TPMT: variants seen among roughly 807,000 people sequenced by gnomAD.
The protein encoded by TPMT is thiopurine S-methyltransferase, also known as S-adenosyl-L-methionine:thiopurine S-methyltransferase.
Under a neutral mutation model 34.2 loss-of-function variants are expected in TPMT, and 18 were observed. That is an observed-to-expected ratio of 0.53 (90% CI 0.36 to 0.78). The LOEUF is 0.78. Ranked by LOEUF, TPMT falls within the 30% of genes least tolerant of loss-of-function variation. The pLI is 0.00. For synonymous variants in TPMT, 69 were observed against 92.4 expected (o/e 0.75, Z 1.45); for missense variants, 265 against 288.1 (o/e 0.92, Z 0.58).
rs73379181 is a variant in TPMT at position 18,153,142 on chromosome 6, T to C, written c.-45+1891A>G. ...GGCCACCTTCCTCAGCATAAATTCCTGTTCCCTTTGCCCCTCCCTGGAAGT... is the reference window on the plus strand; with the variant it reads ...GGCCACCTTCCTCAGCATAAATTCCCGTTCCCTTTGCCCCTCCCTGGAAGT... On this transcript the variant is annotated intron_variant, in intron 1 of 8. Transcript: ENST00000309983. This position sits in a 1 kb window ranked among gnomAD's most constrained non-coding sequence, Gnocchi z 4.2. 0.01 allele frequency among the ~76,000 whole-genome samples: 1,559 copies of C among 152,350 alleles called. 25 individuals are homozygous for C. Among genetic ancestry groups the C allele is most frequent in the African/African-American group, 0.036 (1,477 of 41,592 alleles).
At chr6:18,133,946 G>A in intron 6 of TPMT, 57 bp from the exon 7 acceptor site, 1 of 1,435,090 alleles carries the variant, frequency 7.0e-7, no homozygotes, top group South Asian at 1.2e-5. Context: ...AAAGGCTGGA[G>A]GGACAAAAGG....
intron 1 of TPMT, among the ~76,000 whole-genome samples, chr6:18,152,014 C>T (rs1258989071): frequency 1.3e-5 from 2 of 152,068 alleles, no homozygotes; most frequent in African/African-American, 4.8e-5. Flanking sequence ...AGAATAAATC[C>T]CCAAAGCCTG....
Position 18,148,012 on chromosome 6 carries a change from G to C in TPMT, c.141-97C>G. On this transcript the variant is annotated intron_variant, in intron 2 of 8. Transcript: ENST00000309983. The surrounding 1 kb of genome is among the most constrained non-coding windows in gnomAD (Gnocchi z 4.1). ...TTAATATTCCCAACAACCTTAATAA[G>C]CAGTTACTATTAATTATTATAATCT... 3 of 950,022 alleles carry C rather than the reference G, an allele frequency of 3.2e-6. No individual in the cohort carries two copies. The South Asian group carries it at 4.2e-5, about 13-fold the overall frequency. 58.8% of individuals were successfully genotyped at this position (950,022 alleles called of 1,614,324 possible). A position where few individuals can be genotyped will look rare whatever the true frequency, so the allele number is the denominator to read the frequency against.
chr6:18,137,124 C>G (rs1434462912), intron 6 of TPMT, among the ~76,000 whole-genome samples: 2 of 62,054 alleles, frequency 3.2e-5, no homozygotes, highest in Admixed American at 1.6e-4. Flanking sequence ...GGAGCCTAAC[C>G]TGTTTTTTTT....
Position 18,149,914 on chromosome 6 carries a change from T to C in TPMT, c.-44-743A>G, listed in dbSNP as rs12215418. 0.066 allele frequency among the ~76,000 whole-genome samples: 10,054 copies of C among 152,294 alleles called. 460 individuals are homozygous for C. The highest frequency in any genetic ancestry group is 0.09 in the Non-Finnish European group (6,136 of 68,010). On this transcript the variant is annotated intron_variant, in intron 1 of 8. Coordinates refer to ENST00000309983, the MANE Select transcript of TPMT (RefSeq NM_000367.5). The surrounding 1 kb of genome is among the most constrained non-coding windows in gnomAD (Gnocchi z 5.0). Reference sequence around the variant, plus strand: ...TGTTTCCTCTGCTCTCACACCCCAATCATCAACACACAAGATTTCTGTGAC... The same window carrying C: ...TGTTTCCTCTGCTCTCACACCCCAACCATCAACACACAAGATTTCTGTGAC...
In TPMT at chr6:18,133,849, G is replaced by GA; in HGVS notation, c.534dup (p.Gln179SerfsTer10). On this transcript the variant is annotated frameshift_variant, in exon 7 of 9. Transcript: ENST00000309983. LOFTEE classifies it high-confidence loss of function. The stretch of plus-strand genomic sequence containing the variant: ...TAAGAAAGAACACACAGGAGATACT[G>GA]AAACTTCTTTCCCAGGAGGGAAAAC... 6.2e-7 allele frequency: 1 copy of GA among 1,612,854 alleles called. No homozygotes were observed. Among genetic ancestry groups the GA allele is most frequent in the Non-Finnish European group, 8.5e-7 (1 of 1,179,764 alleles).
In TPMT at chr6:18,130,759, C is replaced by A; in HGVS notation, c.647G>T (p.Cys216Phe). Residue 216 changes from cysteine (C) to phenylalanine (F), a missense_variant, in exon 9 of 9, where the codon TGT becomes TTT. Coordinates refer to ENST00000309983, the MANE Select transcript of TPMT (RefSeq NM_000367.5). The surrounding 1 kb of genome is among the most constrained non-coding windows in gnomAD (Gnocchi z 4.2). ...TTCAAAAGCATCAACCTTCTCAAGACAACGTATATTGCATATTTTACCTGA... is the reference window on the plus strand; with the variant it reads ...TTCAAAAGCATCAACCTTCTCAAGAAAACGTATATTGCATATTTTACCTGA... ...RLFGKICNIR[C>F]LEKVDAFEER... 1.2e-6 allele frequency: 2 copies of A among 1,613,476 alleles called. No individual in the cohort carries two copies. Among genetic ancestry groups the A allele is most frequent in the Non-Finnish European group, 8.5e-7 (1 of 1,179,712 alleles).
rs1228721313 is a variant in TPMT at position 18,135,271 on chromosome 6, G to C, written c.495-1382C>G. Among the ~76,000 whole-genome samples, 1 of 152,170 alleles carries C rather than the reference G, an allele frequency of 6.6e-6. No individual in the cohort carries two copies. The highest frequency in any genetic ancestry group is 1.5e-5 in the Non-Finnish European group (1 of 68,024). On this transcript the variant is annotated intron_variant, in intron 6 of 8. Coordinates refer to ENST00000309983, the MANE Select transcript of TPMT (RefSeq NM_000367.5). The surrounding 1 kb of genome is among the most constrained non-coding windows in gnomAD (Gnocchi z 5.0). ...CAGAAGAAACTTGCTGTCCCCATGA[G>C]GGGGATGTCAGACTGGTTTGGTAGG... is the stretch of plus-strand genomic sequence containing the variant.
rs1366527757 is a variant in TPMT at position 18,140,413 on chromosome 6, G to A, written c.367-696C>T. Among the ~76,000 whole-genome samples, 1 of 152,190 alleles carries A rather than the reference G, an allele frequency of 6.6e-6. No homozygotes were observed. The highest frequency in any genetic ancestry group is 1.5e-5 in the Non-Finnish European group (1 of 68,028). On this transcript the variant is annotated intron_variant, in intron 4 of 8. Transcript: ENST00000309983. The surrounding 1 kb of genome is among the most constrained non-coding windows in gnomAD (Gnocchi z 4.7). The stretch of plus-strand genomic sequence containing the variant: ...CTAAACAAAAGGTGACTTTTGGCCA[G>A]GTGTGGCAGCTTACACCTGTAATTC...
At position 18,130,400 on chromosome 6, in the gene TPMT, T is replaced by C. The variant is rs776213546; in HGVS notation, c.*268A>G. The C allele has an allele frequency of 2.1e-5, 8 of 382,862 alleles. No homozygotes were observed. Among genetic ancestry groups the C allele is most frequent in the Non-Finnish European group, 3.8e-5 (8 of 208,792 alleles). The allele number at this position is 382,862 out of a possible 1,614,324, so 23.7% of individuals were successfully genotyped here. On this transcript the variant is annotated 3_prime_UTR_variant, in exon 9 of 9. Transcript: ENST00000309983. The surrounding 1 kb of genome is among the most constrained non-coding windows in gnomAD (Gnocchi z 4.2). The stretch of plus-strand genomic sequence containing the variant: ...GTAACACATGCTGATTGGTAAAATA[T>C]CTTGCAATCTGCAAGACACATAGGC...
chr6:18,130,904 C>T lies in TPMT; in HGVS notation c.626-124G>A, dbSNP rs973141326. 19 of 703,782 alleles carry T rather than the reference C, an allele frequency of 2.7e-5. No individual in the cohort carries two copies. The highest frequency in any genetic ancestry group is 1.1e-4 in the African/African-American group (6 of 56,250). The allele number at this position is 703,782 out of a possible 1,614,324, so 43.6% of individuals were successfully genotyped here. On this transcript the variant is annotated intron_variant, in intron 8 of 8. Transcript: ENST00000309983. The surrounding 1 kb of genome is among the most constrained non-coding windows in gnomAD (Gnocchi z 4.2). ...CTGTAATCCCAACACTTTGGGAGGC[C>T]GAGGCAGGTGGATCACTTGAGGTCA...
chr6:18,142,090 A>T (rs1784152614), intron 4 of TPMT, among the ~76,000 whole-genome samples: 1 of 152,078 alleles, frequency 6.6e-6, no homozygotes, highest in Non-Finnish European at 1.5e-5. Context: ...TAAATCAGAC[A>T]CTGACTCCTC....
chr6:18,147,242 G>A (rs1390801946), intron 3 of TPMT, among the ~76,000 whole-genome samples: 3 of 152,180 alleles, frequency 2.0e-5, no homozygotes, highest in Non-Finnish European at 2.9e-5. Flanking sequence ...GAATGATGTC[G>A]AGGTGACTTT....
chr6:18,153,901 T>C lies in TPMT; in HGVS notation c.-45+1132A>G, dbSNP rs1261042161. On this transcript the variant is annotated intron_variant, in intron 1 of 8. Transcript: ENST00000309983. The surrounding 1 kb of genome is among the most constrained non-coding windows in gnomAD (Gnocchi z 4.2). ...CACAAACTTGAACTGTCTAACAAAA[T>C]CATGCACATAACTTAATCATGTCTT... 2.0e-5 allele frequency among the ~76,000 whole-genome samples: 3 copies of C among 152,180 alleles called. No individual in the cohort carries two copies. Among genetic ancestry groups the C allele is most frequent in the Non-Finnish European group, 4.4e-5 (3 of 68,038 alleles).
At position 18,130,826 on chromosome 6, in the gene TPMT, A is replaced by C; in HGVS notation, c.626-46T>G. 1 of 1,493,636 alleles carries C rather than the reference A, an allele frequency of 6.7e-7. No homozygotes were observed. 92.5% of individuals were successfully genotyped at this position (1,493,636 alleles called of 1,614,324 possible). On this transcript the variant is annotated intron_variant, in intron 8 of 8. Coordinates refer to ENST00000309983, the MANE Select transcript of TPMT (RefSeq NM_000367.5). This position sits in a 1 kb window ranked among gnomAD's most constrained non-coding sequence, Gnocchi z 4.2. ...ATGTTAAAATACTATGAAGAATGAC[A>C]TCAGGGATTCTTTTAAAAATACTCA... is the stretch of plus-strand genomic sequence containing the variant.
Position 18,148,897 on chromosome 6 carries a change from A to T in TPMT, c.140+91T>A. 6.3e-7 allele frequency: 1 copy of T among 1,583,308 alleles called. No homozygotes were observed. Among genetic ancestry groups the T allele is most frequent in the Non-Finnish European group, 8.6e-7 (1 of 1,156,134 alleles). ...TGAAGAATTAAATGTGCATCCTAAAAGTTAGTCAAATAATGTGTACTTTTA... is the reference window on the plus strand; with the variant it reads ...TGAAGAATTAAATGTGCATCCTAAATGTTAGTCAAATAATGTGTACTTTTA... On this transcript the variant is annotated intron_variant, in intron 2 of 8. Transcript: ENST00000309983. This position sits in a 1 kb window ranked among gnomAD's most constrained non-coding sequence, Gnocchi z 4.1.
At position 18,143,284 on chromosome 6, in the gene TPMT, T is replaced by G. The variant is rs79576152; in HGVS notation, c.366+312A>C. 8.3e-3 allele frequency among the ~76,000 whole-genome samples: 1,261 copies of G among 152,292 alleles called. 21 individuals carry two copies. The highest frequency in any genetic ancestry group is 0.029 in the African/African-American group (1,204 of 41,546). On this transcript the variant is annotated intron_variant, in intron 4 of 8. Transcript: ENST00000309983. This position sits in a 1 kb window ranked among gnomAD's most constrained non-coding sequence, Gnocchi z 6.1. ...GGGTGTGCTGTGTTATCTTTATCTC[T>G]TCAATGTCTTAGGCAGGGTCTGGCA...
In TPMT at chr6:18,130,599, T is replaced by C. The variant is rs1473159113; in HGVS notation, c.*69A>G. ...TTTTAAAAATTCATCCATTACATTT[T>C]CAGGCTTTAGCATAATTTTCAATTC... On this transcript the variant is annotated 3_prime_UTR_variant, in exon 9 of 9. Coordinates refer to ENST00000309983, the MANE Select transcript of TPMT (RefSeq NM_000367.5). This position sits in a 1 kb window ranked among gnomAD's most constrained non-coding sequence, Gnocchi z 4.2. The C allele has an allele frequency of 1.9e-6, 2 of 1,061,224 alleles. No homozygotes were observed. The highest frequency in any genetic ancestry group is 2.9e-6 in the Non-Finnish European group (2 of 688,054). 65.7% of individuals were successfully genotyped at this position (1,061,224 alleles called of 1,614,324 possible). A position where few individuals can be genotyped will look rare whatever the true frequency, so the allele number is the denominator to read the frequency against.
rs1311264723 is a variant in TPMT, at chr6:18,152,965, T to C, written c.-45+2068A>G. Among the ~76,000 whole-genome samples the C allele has an allele frequency of 2.6e-5, 4 of 152,196 alleles. 1 individual carries two copies. Among genetic ancestry groups the C allele is most frequent in the Non-Finnish European group, 5.9e-5 (4 of 68,032 alleles). On this transcript the variant is annotated intron_variant, in intron 1 of 8. Coordinates refer to ENST00000309983, the MANE Select transcript of TPMT (RefSeq NM_000367.5). ...TTTTTCTGTCCTCTGCTTCACCTTT[T>C]GATATAAGAGGGCCAAAAACTCCAT...
Sources: allele counts gnomAD v4.1 joint callset (sites outside exome capture counted in the v4.1 genomes callset), GRCh38; gene constraint gnomAD v4.1.1; non-coding constraint Gnocchi (gnomAD v3.1); transcripts MANE v1.5; gene names NCBI Gene and HGNC (gene_info 2026-07-23, HGNC 2026-07-21).